TRAP1: variants seen among roughly 807,000 people sequenced by gnomAD.
TRAP1 encodes the protein TNF receptor associated protein 1, also known as heat shock protein 75 kDa, mitochondrial.
Under a neutral mutation model 89.1 loss-of-function variants are expected in TRAP1, and 102 were observed. The ratio of observed to expected loss-of-function variants is 1.15; its 90% CI spans 0.98 to 1.35. TRAP1 has a LOEUF of 1.35. Ranked by LOEUF, TRAP1 falls within the 40% of genes most tolerant of loss-of-function variation. The probability of loss-of-function intolerance (pLI) is 0.00; values close to 1 mark genes in which losing one functional copy is unlikely to be tolerated. For synonymous variants in TRAP1, 508 were observed against 388.0 expected (o/e 1.31, Z -3.64); for missense variants, 1,256 against 945.3 (o/e 1.33, Z -4.31).
chr16:3,697,926 T>A (rs997289756), intron 1 of TRAP1, among the ~76,000 whole-genome samples: 1 of 151,486 alleles, frequency 6.6e-6, no homozygotes, highest in Admixed American at 6.6e-5. Flanking sequence ...GTAGCTGGGA[T>A]TGCAGGTGTG....
chr16:3,680,522 G>A (rs183874451), intron 4 of TRAP1, among the ~76,000 whole-genome samples: 21 of 152,336 alleles, frequency 1.4e-4, no homozygotes, highest in Non-Finnish European at 2.5e-4. Flanking sequence ...TGTTGGGAAC[G>A]CAGCTCTGCA....
chr16:3,658,233 G>C lies in TRAP1; in HGVS notation c.2014-3C>G. ...GCAATCATGGCGTTCTCGTATATCT[G>C]AAAGGCAAGAGGAGAAACCCATTAT... On this transcript the variant is annotated splice_region_variant and splice_polypyrimidine_tract_variant and intron_variant, in intron 17 of 17. Coordinates refer to ENST00000246957, the MANE Select transcript of TRAP1 (RefSeq NM_016292.3). The C allele has an allele frequency of 1.5e-5, 24 of 1,612,490 alleles. No homozygotes were observed. The highest frequency in any genetic ancestry group is 2.0e-5 in the Non-Finnish European group (24 of 1,179,056).
At chr16:3,688,213 C>T (rs924016945) in intron 3 of TRAP1, among the ~76,000 whole-genome samples, 3 of 152,020 alleles carry the variant, frequency 2.0e-5, no homozygotes, top group Non-Finnish European at 4.4e-5. Context: ...GTTGCCTAGG[C>T]TGGTCTCAGA....
rs577143280 is a variant in TRAP1 at position 3,712,726 on chromosome 16, T to C, written c.88+4695A>G. ...ACCTCCCAGGTTCAAGCAATTCTCG[T>C]GCCTCAGCCTCCCAAGTATCTGGGA... On this transcript the variant is annotated intron_variant, in intron 1 of 17. Coordinates refer to ENST00000246957, the MANE Select transcript of TRAP1 (RefSeq NM_016292.3). Among the ~76,000 whole-genome samples the C allele has an allele frequency of 2.2e-4, 34 of 152,328 alleles. No homozygotes were observed. In the East Asian group the frequency reaches 5.0e-3, roughly 22 times the overall value.
At chr16:3,673,750 C>T (rs1451119462) in intron 9 of TRAP1, among the ~76,000 whole-genome samples, 3 of 152,148 alleles carry the variant, frequency 2.0e-5, no homozygotes, top group Non-Finnish European at 4.4e-5. Flanking sequence ...GGGGGCAGGA[C>T]GGGCTGGCTC....
At position 3,662,116 on chromosome 16, in the gene TRAP1, T is replaced by C. The variant is rs751629562; in HGVS notation, c.1811A>G (p.Asp604Gly). Reference sequence around the variant, plus strand: ...CACGGTGACCATGGCAGGGTGGGTGTCCAGTCGGAGGGTCACCTGTGAGCA... The same window carrying C: ...CACGGTGACCATGGCAGGGTGGGTGCCCAGTCGGAGGGTCACCTGTGAGCA... ...VTNVKVTLRL[D>G]THPAMVTVLE... Residue 604 changes from aspartate to glycine, a missense_variant, in exon 16 of 18, where the codon GAC becomes GGC. Asp to Gly is a moderately conservative substitution (Grantham distance 94). Transcript: ENST00000246957. 5.0e-6 allele frequency: 8 copies of C among 1,612,524 alleles called. No individual in the cohort carries two copies. In the South Asian group the frequency reaches 8.8e-5, roughly 18 times the overall value.
chr16:3,714,517 G>C (rs943929031), intron 1 of TRAP1, among the ~76,000 whole-genome samples: 1 of 152,138 alleles, frequency 6.6e-6, no homozygotes, highest in Non-Finnish European at 1.5e-5. Flanking sequence ...AACCTAGCTG[G>C]GTGTGGTGGC....
At chr16:3,679,814 G>A in intron 4 of TRAP1, 24 bp from the exon 5 acceptor site, 1 of 1,613,144 alleles carries the variant, frequency 6.2e-7, no homozygotes, top group Middle Eastern at 1.7e-4. Flanking sequence ...CGCACTAAGT[G>A]CCAAGCCCCC....
At chr16:3,684,030 G>A (rs1417730834) in intron 4 of TRAP1, among the ~76,000 whole-genome samples, 3 of 151,910 alleles carry the variant, frequency 2.0e-5, no homozygotes, top group Admixed American at 6.6e-5. Context: ...GCCGGGTGTG[G>A]TGGCATGTGC....
At chr16:3,665,737 G>A (rs2050816376) in intron 12 of TRAP1, among the ~76,000 whole-genome samples, 1 of 152,224 alleles carries the variant, frequency 6.6e-6, no homozygotes, top group Non-Finnish European at 1.5e-5. Context: ...ACACAGCAGT[G>A]AGGCTGAGCC....
chr16:3,705,863 AT>A (rs1022505445), intron 1 of TRAP1, among the ~76,000 whole-genome samples: 3 of 148,852 alleles, frequency 2.0e-5, no homozygotes, highest in Admixed American at 6.7e-5. Flanking sequence ...ATATATATAT[AT>A]TTTTTTTTAG....
intron 11 of TRAP1, among the ~76,000 whole-genome samples, chr16:3,668,001 G>A (rs931795192): frequency 4.8e-5 from 7 of 145,746 alleles, no homozygotes; most frequent in African/African-American, 1.8e-4. Context: ...TGATTTTGGC[G>A]CACTGCAATC....
intron 4 of TRAP1, among the ~76,000 whole-genome samples, chr16:3,685,098 C>T (rs554214818): frequency 6.6e-6 from 1 of 152,220 alleles, no homozygotes; most frequent in African/African-American, 2.4e-5. Context: ...CTGCAAGGAA[C>T]CTCTGTGCTG....
rs749216245 is a variant in TRAP1 at position 3,674,356 on chromosome 16, A to C, written c.1027T>G (p.Phe343Val). 1 of 1,614,004 alleles carries C rather than the reference A, an allele frequency of 6.2e-7. No individual in the cohort carries two copies. The highest frequency in any genetic ancestry group is 2.2e-5 in the East Asian group (1 of 44,880). Residue 343 changes from phenylalanine (F) to valine (V), a missense_variant, in exon 9 of 18, where the codon TTC (phenylalanine) becomes GTC (valine). Transcript: ENST00000246957. ...TDAPLNIRSI[F>V]YVPDMKPSMF... Reference sequence around the variant, plus strand: ...TGCCTCACCATGTCGGGCACGTAGAAGATGCTGCGGATGTTGAGCGGTGCG... The same window carrying C: ...TGCCTCACCATGTCGGGCACGTAGACGATGCTGCGGATGTTGAGCGGTGCG...
intron 1 of TRAP1, among the ~76,000 whole-genome samples, chr16:3,693,564 C>A (rs1016649514): frequency 6.6e-6 from 1 of 152,176 alleles, no homozygotes; most frequent in African/African-American, 2.4e-5. Context: ...CACCTGCCCA[C>A]AGAGCATATC....
intron 15 of TRAP1, 93 bp from the exon 16 acceptor site, chr16:3,662,225 G>A (rs906301781): frequency 1.0e-5 from 15 of 1,480,124 alleles, no homozygotes; most frequent in African/African-American, 2.8e-5. Flanking sequence ...CCCAGACCAC[G>A]AGGTAGCAGG....
rs142056573 is a variant in TRAP1, at chr16:3,669,429, T to C, written c.1235+2293A>G. 2.4e-4 allele frequency among the ~76,000 whole-genome samples: 37 copies of C among 152,304 alleles called. No homozygotes were observed. The East Asian group carries it at 6.4e-3, about 26-fold the overall frequency. ...GCACTGAGGCCCCCTTTTCATTGATTATATAACATCTCTTTAGTCAGCAAG... is the reference window on the plus strand; with the variant it reads ...GCACTGAGGCCCCCTTTTCATTGATCATATAACATCTCTTTAGTCAGCAAG... On this transcript the variant is annotated intron_variant, in intron 11 of 17. Coordinates refer to ENST00000246957, the MANE Select transcript of TRAP1 (RefSeq NM_016292.3).
intron 16 of TRAP1, chr16:3,660,450 G>GTGAC (rs1405707750): frequency 7.2e-5 from 11 of 152,176 alleles, no homozygotes; most frequent in Admixed American, 7.2e-4. Context: ...TCCAGCCTAG[G>GTGAC]TGACAGAGCA....
intron 1 of TRAP1, among the ~76,000 whole-genome samples, chr16:3,709,523 C>T (rs1299668325): frequency 2.0e-5 from 3 of 152,164 alleles, no homozygotes; most frequent in Non-Finnish European, 4.4e-5. Context: ...ACATAAATTA[C>T]AAAACATCCT....
Sources: gnomAD v4.1 joint callset for allele counts (sites outside exome capture counted in the v4.1 genomes callset) on GRCh38, gnomAD v4.1.1 for gene constraint, MANE v1.5 for transcripts, NCBI Gene and HGNC (gene_info 2026-07-23, HGNC 2026-07-21) for gene names.